SASH1: variants seen among roughly 807,000 people sequenced by gnomAD.
The protein encoded by SASH1 is SAM and SH3 domain-containing protein 1.
A neutral mutation model predicts 125.2 loss-of-function variants in SASH1; 44 were observed. The ratio of observed to expected loss-of-function variants is 0.35; its 90% CI spans 0.28 to 0.45. SASH1 has a LOEUF of 0.45. SASH1 is among the 20% of genes least tolerant of loss of function. The probability of loss-of-function intolerance (pLI) is 1.00; values close to 1 mark genes in which losing one functional copy is unlikely to be tolerated. For missense variants in SASH1, 1,426 were observed against 1,614.5 expected (o/e 0.88, Z 2.00); for synonymous variants, 639 against 649.1 (o/e 0.98, Z 0.24).
Position 148,508,891 on chromosome 6 carries a change from T to C in SASH1, c.730-5433T>C, listed in dbSNP as rs887080507. ...ATGCCGAAGCCGGTAAGTCACTGAA[T>C]GCGTTCAATGGGAAAGAAAGAATGT... is the stretch of plus-strand genomic sequence containing the variant. On this transcript the variant is annotated intron_variant, in intron 8 of 19. Coordinates refer to ENST00000367467, the MANE Select transcript of SASH1 (RefSeq NM_015278.5). The C allele has an allele frequency of 2.3e-5, 29 of 1,263,568 alleles. No homozygotes were observed. The Admixed American group carries it at 2.8e-4, about 12-fold the overall frequency. 78.3% of individuals were successfully genotyped at this position (1,263,568 alleles called of 1,614,324 possible). A position where few individuals can be genotyped will look rare whatever the true frequency, so the allele number is the denominator to read the frequency against.
In SASH1 at chr6:148,519,205, G is replaced by A. The variant is rs977956629; in HGVS notation, c.863-342G>A. Reference sequence around the variant, plus strand: ...AAGATCCTGATTCCTAGTTTCAGAGGGTTGCATTTACAAACTGCAGAGGGC... The same window carrying A: ...AAGATCCTGATTCCTAGTTTCAGAGAGTTGCATTTACAAACTGCAGAGGGC... On this transcript the variant is annotated intron_variant, in intron 9 of 19. Coordinates refer to ENST00000367467, the MANE Select transcript of SASH1 (RefSeq NM_015278.5). This position sits in a 1 kb window ranked among gnomAD's most constrained non-coding sequence, Gnocchi z 4.8. Among the ~76,000 whole-genome samples the A allele has an allele frequency of 6.6e-6, 1 of 152,158 alleles. No individual in the cohort carries two copies. The highest frequency in any genetic ancestry group is 2.4e-5 in the African/African-American group (1 of 41,424).
chr6:148,408,849 G>C (rs1784482237), intron 2 of SASH1, among the ~76,000 whole-genome samples: 2 of 152,198 alleles, frequency 1.3e-5, no homozygotes, highest in South Asian at 4.1e-4. Context: ...TTTGCATATG[G>C]TGTAAGGTGT....
At chr6:148,206,745 G>C in the SASH1 span, among the ~76,000 whole-genome samples, 2 of 149,940 alleles carry the variant, frequency 1.3e-5, no homozygotes, top group African/African-American at 5.0e-5. Flanking sequence ...AGCCAAGACC[G>C]TGCCACTCCA....
At chr6:148,307,037 TTTCTTTC>T (rs1780149977) in intron 1 of SASH1, among the ~76,000 whole-genome samples, 15 of 71,490 alleles carry the variant, frequency 2.1e-4, no homozygotes, top group Admixed American at 2.1e-3. Context: ...TCTTTCTTTC[TTTCTTTC>T]TTTCTTTCTT....
At chr6:148,244,772 G>C in the SASH1 span, among the ~76,000 whole-genome samples, 1 of 152,162 alleles carries the variant, frequency 6.6e-6, no homozygotes. Context: ...TCTAAGCATA[G>C]GCCCCAAGGG....
intron 4 of SASH1, among the ~76,000 whole-genome samples, chr6:148,448,930 C>T (rs942393633): frequency 1.9e-4 from 29 of 152,122 alleles, no homozygotes; most frequent in African/African-American, 7.0e-4. Flanking sequence ...TTTCATCATG[C>T]TGTCCTGCTT....
chr6:148,469,838 C>T (rs1778016028), intron 5 of SASH1, among the ~76,000 whole-genome samples: 2 of 151,972 alleles, frequency 1.3e-5, no homozygotes, highest in Non-Finnish European at 2.9e-5. Flanking sequence ...CCAGCCTGGC[C>T]AATATGTCGA....
At chr6:148,390,367 G>A in intron 2 of SASH1, 105 bp downstream of exon 2, 1 of 1,129,066 alleles carries the variant, frequency 8.9e-7, no homozygotes. Flanking sequence ...GTATCAATCT[G>A]TAGGCTGCTG....
At chr6:148,272,017 T>C (rs6901639), upstream of SASH1, among the ~76,000 whole-genome samples, 20,904 of 152,186 alleles carry the variant, frequency 0.14, 1,506 homozygotes, top group Admixed American at 0.15. Flanking sequence ...CTGAGATACA[T>C]TTTCAAGCTT....
At chr6:148,315,385 A>G (rs1356379310) in intron 1 of SASH1, among the ~76,000 whole-genome samples, 3 of 152,220 alleles carry the variant, frequency 2.0e-5, no homozygotes, top group African/African-American at 7.2e-5. Flanking sequence ...TTAATAACTA[A>G]GAAAGTGAAC....
At chr6:148,352,741 G>A (rs962048445) in intron 1 of SASH1, among the ~76,000 whole-genome samples, 1 of 152,096 alleles carries the variant, frequency 6.6e-6, no homozygotes, top group African/African-American at 2.4e-5. Context: ...GGAGGCCGAG[G>A]CAGGTGGATC....
chr6:148,483,321 C>G (rs1397274778), intron 7 of SASH1, among the ~76,000 whole-genome samples: 1 of 152,060 alleles, frequency 6.6e-6, no homozygotes, highest in Non-Finnish European at 1.5e-5. Flanking sequence ...ATCACCTTCC[C>G]CACCCCTCCC....
intron 1 of SASH1, among the ~76,000 whole-genome samples, chr6:148,291,225 A>T (rs1779624037): frequency 6.6e-6 from 1 of 152,240 alleles, no homozygotes; most frequent in African/African-American, 2.4e-5. Flanking sequence ...AAGGAATATC[A>T]AGAATAACTT....
At chr6:148,310,980 T>C (rs13199319) in intron 1 of SASH1, among the ~76,000 whole-genome samples, 15,334 of 152,282 alleles carry the variant, frequency 0.1, 910 homozygotes, top group East Asian at 0.23. Flanking sequence ...GGTCTCATTA[T>C]GTTGCCCAGG....
the SASH1 span, among the ~76,000 whole-genome samples, chr6:148,257,781 C>T: frequency 6.6e-6 from 1 of 151,994 alleles, no homozygotes; most frequent in African/African-American, 2.4e-5. Context: ...CAGGCACGTG[C>T]CACCACGCCC....
chr6:148,371,283 CT>C (rs991334753), intron 1 of SASH1, among the ~76,000 whole-genome samples: 158 of 144,840 alleles, frequency 1.1e-3, no homozygotes, highest in African/African-American at 2.2e-3. Flanking sequence ...GTTGGCTATT[CT>C]TTTTTTTTTT....
At chr6:148,468,632 T>G (rs1357293307) in intron 5 of SASH1, 47 bp downstream of exon 5, 2 of 1,248,918 alleles carry the variant, frequency 1.6e-6, no homozygotes, top group Non-Finnish European at 2.3e-6. Flanking sequence ...TTTCAATACT[T>G]TATAGAAAAC....
intron 2 of SASH1, among the ~76,000 whole-genome samples, chr6:148,427,652 C>T (rs1056996097): frequency 6.6e-6 from 1 of 152,192 alleles, no homozygotes; most frequent in African/African-American, 2.4e-5. Flanking sequence ...CCTTGTTTGA[C>T]ATGAGGTGTG....
At chr6:148,526,224 C>G (rs1040904202) in intron 11 of SASH1, among the ~76,000 whole-genome samples, 2 of 151,868 alleles carry the variant, frequency 1.3e-5, no homozygotes, top group African/African-American at 4.8e-5. Flanking sequence ...CCACCATGCC[C>G]AGAGAATTTG....
Sources: gnomAD v4.1 joint callset for allele counts (sites outside exome capture counted in the v4.1 genomes callset) on GRCh38, gnomAD v4.1.1 for gene constraint, Gnocchi (gnomAD v3.1) non-coding constraint, MANE v1.5 for transcripts, NCBI Gene and HGNC (gene_info 2026-07-23, HGNC 2026-07-21) for gene names.